Variants in NCR3LG1 observed in about 807,000 individuals in gnomAD.
NCR3LG1 encodes natural killer cell cytotoxicity receptor 3 ligand 1.
NCR3LG1 carries 35 observed loss-of-function variants against 34.8 expected under a neutral mutation model. That is an observed-to-expected ratio of 1.01 (90% CI 0.77 to 1.33). The LOEUF (loss-of-function observed/expected upper bound fraction) is 1.33, where lower values mean the gene tolerates loss of function less well. Among genes scored for constraint, NCR3LG1 ranks in the 40% most tolerant of loss-of-function variants. The pLI, the probability that NCR3LG1 is intolerant of heterozygous loss-of-function variation, is 0.00. For missense variants in NCR3LG1, 452 were observed against 423.3 expected (o/e 1.07, Z -0.60); for synonymous variants, 173 against 163.6 (o/e 1.06, Z -0.44).
At chr11:17,365,873 T>G (rs1953339484) in intron 2 of NCR3LG1, among the ~76,000 whole-genome samples, 2 of 152,230 alleles carry the variant, frequency 1.3e-5, no homozygotes, top group Admixed American at 6.5e-5. Flanking sequence ...ACTGCTTAAG[T>G]ACTTCTACTG....
chr11:17,370,582 AC>A (rs1300089823), intron 4 of NCR3LG1, among the ~76,000 whole-genome samples: 3 of 152,036 alleles, frequency 2.0e-5, no homozygotes, highest in African/African-American at 7.2e-5. Context: ...GTCCCCCTTC[AC>A]CCTCAGGTGT....
At chr11:17,354,643 C>T (rs1328016144) in intron 1 of NCR3LG1, among the ~76,000 whole-genome samples, 1 of 131,586 alleles carries the variant, frequency 7.6e-6, no homozygotes, top group Non-Finnish European at 1.5e-5. Context: ...TCCTTGGTTT[C>T]TCCATTTCTT....
intron 2 of NCR3LG1, among the ~76,000 whole-genome samples, chr11:17,362,094 A>G (rs1390454510): frequency 6.6e-6 from 1 of 152,208 alleles, no homozygotes; most frequent in East Asian, 1.9e-4. Flanking sequence ...ATGAAATATG[A>G]TATTAGCTAT....
Position 17,353,716 on chromosome 11 carries a change from A to T in NCR3LG1, c.70+1677A>T, listed in dbSNP as rs193152735. Among the ~76,000 whole-genome samples the T allele has an allele frequency of 2.5e-4, 4 of 16,224 alleles. No homozygotes were observed. In the African/African-American group the frequency reaches 0.013, roughly 53 times the overall value. 10.6% of individuals were successfully genotyped at this position (16,224 alleles called of 152,430 possible). A position where few individuals can be genotyped will look rare whatever the true frequency, so the allele number is the denominator to read the frequency against. On this transcript the variant is annotated intron_variant, in intron 1 of 4. Coordinates refer to ENST00000338965, the MANE Select transcript of NCR3LG1 (RefSeq NM_001202439.3). Reference sequence around the variant, plus strand: ...CTGTGCGGCGGCGCCCAGTGACGGCAGCAGCAGCAGCAGCTCCTGGAGGAA... The same window carrying T: ...CTGTGCGGCGGCGCCCAGTGACGGCTGCAGCAGCAGCAGCTCCTGGAGGAA...
intron 1 of NCR3LG1, among the ~76,000 whole-genome samples, chr11:17,353,860 G>C (rs1030837629): frequency 1.1e-4 from 16 of 152,204 alleles, no homozygotes; most frequent in Non-Finnish European, 1.6e-4. Context: ...ATGGAAAACC[G>C]TTTCGGAAGC....
chr11:17,359,196 C>T (rs1228956685), intron 2 of NCR3LG1, among the ~76,000 whole-genome samples: 1 of 152,198 alleles, frequency 6.6e-6, no homozygotes, highest in Non-Finnish European at 1.5e-5. Flanking sequence ...TAGACCCTCT[C>T]AGCCAACAGA....
At chr11:17,362,916 C>T (rs1953298321) in intron 2 of NCR3LG1, among the ~76,000 whole-genome samples, 1 of 114,352 alleles carries the variant, frequency 8.7e-6, no homozygotes, top group Non-Finnish European at 1.8e-5. Flanking sequence ...CCTTCCCTTC[C>T]CTTCCCTTCT....
intron 2 of NCR3LG1, among the ~76,000 whole-genome samples, chr11:17,358,538 T>C (rs1466555174): frequency 6.6e-6 from 1 of 152,188 alleles, no homozygotes; most frequent in Non-Finnish European, 1.5e-5. Flanking sequence ...GACCATCTAG[T>C]TGAAGTAGTG....
chr11:17,379,685 G>A (rs1953503695), downstream of NCR3LG1, among the ~76,000 whole-genome samples: 1 of 152,202 alleles, frequency 6.6e-6, no homozygotes, highest in Admixed American at 6.5e-5. Flanking sequence ...TCTGAGATCA[G>A]CAGAGCTGGC....
intron 2 of NCR3LG1, among the ~76,000 whole-genome samples, chr11:17,362,829 C>T (rs1307950399): frequency 1.4e-4 from 20 of 140,338 alleles, no homozygotes; most frequent in Non-Finnish European, 2.8e-4. Flanking sequence ...TTCCTTTCTT[C>T]CTTTCTTCAT....
rs934689140 is a variant in NCR3LG1, at chr11:17,375,405, T to C, written c.*2893T>C. 2 of 152,198 alleles carry C rather than the reference T, an allele frequency of 1.3e-5. No individual in the cohort carries two copies. The highest frequency in any genetic ancestry group is 4.8e-5 in the African/African-American group (2 of 41,446). 9.4% of individuals were successfully genotyped at this position (152,198 alleles called of 1,614,324 possible). A position where few individuals can be genotyped will look rare whatever the true frequency, so the allele number is the denominator to read the frequency against. On this transcript the variant is annotated 3_prime_UTR_variant, in exon 5 of 5. Coordinates refer to ENST00000338965, the MANE Select transcript of NCR3LG1 (RefSeq NM_001202439.3). Reference sequence around the variant, plus strand: ...GACAGGGAGTCTGAAAAGTGGGATATGCAGTAGTCACCCTAAATAACATTG... The same window carrying C: ...GACAGGGAGTCTGAAAAGTGGGATACGCAGTAGTCACCCTAAATAACATTG...
At chr11:17,362,639 T>TC (rs1172185170) in intron 2 of NCR3LG1, among the ~76,000 whole-genome samples, 20 of 146,792 alleles carry the variant, frequency 1.4e-4, no homozygotes, top group East Asian at 2.0e-4. Flanking sequence ...TTCTTCTTCT[T>TC]TTTTTTTTTT....
chr11:17,371,152 C>CTAGAGG (rs1953401406), intron 4 of NCR3LG1, among the ~76,000 whole-genome samples: 2 of 142,740 alleles, frequency 1.4e-5, no homozygotes, highest in Non-Finnish European at 3.0e-5. Context: ...CTCTATGAGA[C>CTAGAGG]AAACTAGTTT....
chr11:17,370,245 A>C (rs1165729606), intron 4 of NCR3LG1, among the ~76,000 whole-genome samples: 1 of 152,164 alleles, frequency 6.6e-6, no homozygotes, highest in Non-Finnish European at 1.5e-5. Flanking sequence ...TTTGCTTATT[A>C]AACTTTCACT....
At chr11:17,363,493 C>T (rs1953305541) in intron 2 of NCR3LG1, among the ~76,000 whole-genome samples, 1 of 136,824 alleles carries the variant, frequency 7.3e-6, no homozygotes, top group African/African-American at 3.0e-5. Flanking sequence ...TTTTTTCTGT[C>T]TTTCTTTTCC....
In NCR3LG1 at chr11:17,372,992, C is replaced by T. The variant is rs1462439694; in HGVS notation, c.*480C>T. The T allele has an allele frequency of 6.5e-6, 1 of 153,922 alleles. No individual in the cohort carries two copies. Among genetic ancestry groups the T allele is most frequent in the Non-Finnish European group, 1.4e-5 (1 of 69,280 alleles). The allele number at this position is 153,922 out of a possible 1,614,324, so 9.5% of individuals were successfully genotyped here. On this transcript the variant is annotated 3_prime_UTR_variant, in exon 5 of 5. Coordinates refer to ENST00000338965, the MANE Select transcript of NCR3LG1 (RefSeq NM_001202439.3). The stretch of plus-strand genomic sequence containing the variant: ...GATCAAAAACTAGATGAAAATCCCT[C>T]AGCCTTTTTGGAAAGGCTGAGAGAG...
At chr11:17,368,552 G>A (rs1014836810) in intron 3 of NCR3LG1, among the ~76,000 whole-genome samples, 1 of 152,170 alleles carries the variant, frequency 6.6e-6, no homozygotes, top group Non-Finnish European at 1.5e-5. Context: ...TGTATGGTAC[G>A]AGGGGTTGTC....
At chr11:17,357,643 A>AT in intron 2 of NCR3LG1, among the ~76,000 whole-genome samples, 1 of 138,000 alleles carries the variant, frequency 7.2e-6, no homozygotes, top group East Asian at 2.2e-4. Flanking sequence ...CAGTGGCTAT[A>AT]TATACGGCCA....
At chr11:17,378,248 A>C (rs12286024), downstream of NCR3LG1, among the ~76,000 whole-genome samples, 124 of 152,198 alleles carry the variant, frequency 8.1e-4, no homozygotes, top group African/African-American at 2.8e-3. Context: ...CTAGATCAAT[A>C]CCTCTAGTCA....
Sources: gnomAD v4.1 joint callset for allele counts (sites outside exome capture counted in the v4.1 genomes callset) on GRCh38, gnomAD v4.1.1 for gene constraint, MANE v1.5 for transcripts, NCBI Gene and HGNC (gene_info 2026-07-23, HGNC 2026-07-21) for gene names.